Variants in WDR36 observed in about 807,000 individuals in gnomAD.
The protein encoded by WDR36 is WD repeat-containing protein 36.
In WDR36, 63 loss-of-function variants were observed where a neutral mutation model predicts 112.7. That is an observed-to-expected ratio of 0.56 (90% CI 0.46 to 0.69). WDR36 has a LOEUF of 0.69. Among genes scored for constraint, WDR36 ranks in the 30% least tolerant of loss-of-function variants. The pLI, the probability that WDR36 is intolerant of heterozygous loss-of-function variation, is 0.00. For missense variants in WDR36, 1,226 were observed against 1,070.3 expected (o/e 1.15, Z -2.03); for synonymous variants, 410 against 362.2 (o/e 1.13, Z -1.50).
intron 19 of WDR36, among the ~76,000 whole-genome samples, chr5:111,121,783 A>G (rs768025166): frequency 6.6e-6 from 1 of 152,178 alleles, no homozygotes; most frequent in East Asian, 1.9e-4. Context: ...ATCCCCCACT[A>G]GTGAGTAGCA....
In WDR36 at chr5:111,100,639, A is replaced by G; in HGVS notation, c.460A>G (p.Ile154Val). 1.9e-6 allele frequency: 3 copies of G among 1,604,876 alleles called. No homozygotes were observed. The highest frequency in any genetic ancestry group is 2.2e-5 in the East Asian group (1 of 44,554). ...TAAATCAGTATTTAAAATTTCTGCA[A>G]TTTTGCATCCAAGTACCTACTTGAA... is the stretch of plus-strand genomic sequence containing the variant. ...FDKSVFKISA[I>V]LHPSTYLNKI... The change falls in exon 5 of 23, where the codon ATT (isoleucine) becomes GTT (valine). Residue 154 changes from isoleucine (I) to valine (V), a missense_variant. Ile to Val is a conservative substitution (Grantham distance 29). Transcript: ENST00000513710.
intron 7 of WDR36, 111 bp downstream of exon 7, chr5:111,104,029 AC>A: frequency 4.8e-6 from 7 of 1,455,492 alleles, no homozygotes; most frequent in Non-Finnish European, 6.6e-6. Flanking sequence ...GTGAATGAAT[AC>A]TGGAGTAAAA....
chr5:111,115,669 C>T (rs1488202677), intron 16 of WDR36, among the ~76,000 whole-genome samples: 1 of 152,050 alleles, frequency 6.6e-6, no homozygotes, highest in Non-Finnish European at 1.5e-5. Flanking sequence ...AAACAAATTA[C>T]ATAGCCTGGA....
intron 16 of WDR36, among the ~76,000 whole-genome samples, chr5:111,116,319 G>A (rs1167506166): frequency 6.6e-6 from 1 of 151,988 alleles, no homozygotes; most frequent in Non-Finnish European, 1.5e-5. Context: ...CATTTGTTCT[G>A]TCTCACCCCA....
chr5:111,098,381 C>T (rs1463404016), intron 3 of WDR36, among the ~76,000 whole-genome samples: 2 of 152,128 alleles, frequency 1.3e-5, no homozygotes, highest in East Asian at 3.9e-4. Flanking sequence ...TATACCATCT[C>T]GCTAGGATAT....
chr5:111,128,069 T>A lies in WDR36; in HGVS notation c.*1186T>A, dbSNP rs1350293499. ...TTTTTTCTCATCATCATTGTTTTGT[T>A]TTTTTTATGGTTCAAGACTTTTGCA... On this transcript the variant is annotated 3_prime_UTR_variant, in exon 23 of 23. Transcript: ENST00000513710. 2 of 195,802 alleles carry A rather than the reference T, an allele frequency of 1.0e-5. No individual in the cohort carries two copies. Among genetic ancestry groups the A allele is most frequent in the African/African-American group, 4.6e-5 (2 of 43,258 alleles). The allele number at this position is 195,802 out of a possible 1,614,324, so 12.1% of individuals were successfully genotyped here.
Position 111,092,510 on chromosome 5 carries a change from G to A in WDR36, c.54G>A (p.Arg18=). The change falls in exon 1 of 23, where the codon CGG becomes CGA. Residue 18 remains arginine, a synonymous_variant. Coordinates refer to ENST00000513710, the MANE Select transcript of WDR36 (RefSeq NM_139281.3). ...RTASALFAGF[R]ALGLFSNDIP... is the part of the protein sequence containing the mutation. ...CCAGCGCGCTTTTTGCGGGGTTCCG[G>A]GCCTTGGGACTTTTCAGCAACGACA... The A allele has an allele frequency of 1.2e-6, 2 of 1,614,228 alleles. No individual in the cohort carries two copies. Among genetic ancestry groups the A allele is most frequent in the Non-Finnish European group, 1.7e-6 (2 of 1,180,042 alleles).
At position 111,121,245 on chromosome 5, in the gene WDR36, A is replaced by C. The variant is rs1005427165; in HGVS notation, c.2148+104A>C. 7 of 1,223,672 alleles carry C rather than the reference A, an allele frequency of 5.7e-6. No individual in the cohort carries two copies. The African/African-American group carries it at 7.5e-5, about 13-fold the overall frequency. The allele number at this position is 1,223,672 out of a possible 1,614,324, so 75.8% of individuals were successfully genotyped here. On this transcript the variant is annotated intron_variant, in intron 19 of 22. Transcript: ENST00000513710. ...CTACATTGAGGGCATTAGAAGAGCA[A>C]TTAATATGTAAGACAGCACTGACAA...
chr5:111,118,887 G>A (rs1753508212), intron 16 of WDR36, 126 bp from the exon 17 acceptor site: 2 of 718,630 alleles, frequency 2.8e-6, no homozygotes, highest in Admixed American at 4.1e-5. Flanking sequence ...ATCAATGCTG[G>A]TGATTAAAAA....
At position 111,128,624 on chromosome 5, in the gene WDR36, C is replaced by T. The variant is rs11954534; in HGVS notation, c.*1741C>T. 15,516 of 180,774 alleles carry T rather than the reference C, an allele frequency of 0.086. 727 individuals carry two copies. The highest frequency in any genetic ancestry group is 0.23 in the South Asian group (1,169 of 5,036). The allele number at this position is 180,774 out of a possible 1,614,324, so 11.2% of individuals were successfully genotyped here. ...TGTATTGCTTACAGAAATCATGAAC[C>T]GAATTTTCTTCTCTTTTTAAAGTGA... On this transcript the variant is annotated 3_prime_UTR_variant, in exon 23 of 23. Coordinates refer to ENST00000513710, the MANE Select transcript of WDR36 (RefSeq NM_139281.3).
chr5:111,125,520 T>C (rs1403099429), intron 21 of WDR36, 88 bp from the exon 22 acceptor site: 1 of 1,309,300 alleles, frequency 7.6e-7, no homozygotes, highest in Non-Finnish European at 1.1e-6. Context: ...CATTTAAATA[T>C]ATCCTATTTG....
rs1229622314 is a variant in WDR36, at chr5:111,119,076, C to G, written c.1860C>G (p.Asp620Glu). The change falls in exon 17 of 23, where the codon GAC becomes GAG. Residue 620 changes from aspartate to glutamate, a missense_variant. Asp to Glu is a conservative substitution (Grantham distance 45). Coordinates refer to ENST00000513710, the MANE Select transcript of WDR36 (RefSeq NM_139281.3). ...ATGTTTCTATGTCTCCTACTGGAGA[C>G]TTTCTGGCAACTTCCCATGTGGACC... ...PLNVSMSPTG[D>E]FLATSHVDHL... 6.2e-7 allele frequency: 1 copy of G among 1,613,598 alleles called. No homozygotes were observed. Among genetic ancestry groups the G allele is most frequent in the South Asian group, 1.1e-5 (1 of 91,080 alleles).
intron 2 of WDR36, chr5:111,095,189 C>G (rs1752949069): frequency 2.0e-6 from 1 of 491,308 alleles, no homozygotes. Context: ...ATGACATTGA[C>G]ACATTGACAT....
chr5:111,097,847 TC>T (rs1190337621), intron 3 of WDR36, among the ~76,000 whole-genome samples: 1 of 152,236 alleles, frequency 6.6e-6, no homozygotes, highest in Admixed American at 6.5e-5. Context: ...GTGAGGTGGT[TC>T]CCACAGTCTT....
intron 7 of WDR36, 124 bp downstream of exon 7, chr5:111,104,042 G>A: frequency 7.1e-7 from 1 of 1,415,774 alleles, no homozygotes; most frequent in Non-Finnish European, 9.7e-7. Context: ...GGAGTAAAAG[G>A]CAAAGAAATA....
At chr5:111,106,200 G>A in intron 11 of WDR36, 57 bp downstream of exon 11, 3 of 1,410,430 alleles carry the variant, frequency 2.1e-6, no homozygotes, top group Non-Finnish European at 3.0e-6. Context: ...ATTTCCTACT[G>A]TATGCTGTTT....
At chr5:111,110,766 T>TC (rs770560996) in intron 13 of WDR36, 22 bp from the exon 14 acceptor site, 1 of 1,606,094 alleles carries the variant, frequency 6.2e-7, no homozygotes, top group South Asian at 1.1e-5. Context: ...ATTTTTTTTT[T>TC]CTTTTGACAT....
chr5:111,110,375 T>TA, intron 13 of WDR36, 72 bp downstream of exon 13: 1 of 1,288,476 alleles, frequency 7.8e-7, no homozygotes, highest in Non-Finnish European at 1.1e-6. Context: ...CTGGTATGTA[T>TA]AATCTTTAAG....
intron 15 of WDR36, among the ~76,000 whole-genome samples, chr5:111,112,203 C>CT: frequency 6.6e-6 from 1 of 152,078 alleles, no homozygotes; most frequent in East Asian, 1.9e-4. Context: ...CTTCCTATTT[C>CT]TTTTTCAAAC....
Sources: allele counts gnomAD v4.1 joint callset (sites outside exome capture counted in the v4.1 genomes callset), GRCh38; gene constraint gnomAD v4.1.1; transcripts MANE v1.5; gene names NCBI Gene and HGNC (gene_info 2026-07-23, HGNC 2026-07-21).